ZNF347: variants seen among roughly 807,000 people sequenced by gnomAD.
ZNF347 encodes CTD-2620I22.7.
ZNF347 carries 19 observed loss-of-function variants against 12.9 expected under a neutral mutation model. That is an observed-to-expected ratio of 1.47 (90% confidence interval 1.03 to 2.16). The LOEUF is 2.16. ZNF347 is among the 30% of genes most tolerant of loss of function. The probability of loss-of-function intolerance (pLI) is 0.00; values close to 1 mark genes in which losing one functional copy is unlikely to be tolerated. For synonymous variants in ZNF347, 328 were observed against 340.6 expected (o/e 0.96, Z 0.41); for missense variants, 1,005 against 990.6 (o/e 1.01, Z -0.19).
intron 2 of ZNF347, among the ~76,000 whole-genome samples, chr19:53,150,071 G>T (rs2090487930): frequency 6.6e-6 from 1 of 152,188 alleles, no homozygotes; most frequent in Admixed American, 6.5e-5. Flanking sequence ...TGAGGAGGGG[G>T]TCATGGGAAT....
At chr19:53,156,718 T>C (rs7253256) in intron 1 of ZNF347, among the ~76,000 whole-genome samples, 2,152 of 152,256 alleles carry the variant, frequency 0.014, 51 homozygotes, top group African/African-American at 0.049. Flanking sequence ...GGGAGGGGGA[T>C]GTCAAGGGAA....
intron 2 of ZNF347, among the ~76,000 whole-genome samples, chr19:53,151,870 G>A (rs985862599): frequency 2.0e-5 from 3 of 151,684 alleles, no homozygotes; most frequent in Non-Finnish European, 2.9e-5. Context: ...CGAGGAGGGC[G>A]GATCACGAGG....
chr19:53,141,801 T>C lies in ZNF347; in HGVS notation c.1027A>G (p.Lys343Glu), dbSNP rs371139289. The part of the protein sequence containing the change: ...SQHQKIHTGE[K>E]PYKCNECGKV... ...CCACATTCGTTACATTTATAAGGTT[T>C]CTCTCCAGTGTGAATTTTCTGATGT... Residue 343 changes from lysine (K) to glutamate (E), a missense_variant, in exon 5 of 5, where the codon AAA becomes GAA. Lys to Glu is a moderately conservative substitution (Grantham distance 56). Transcript: ENST00000334197. 24 of 1,613,966 alleles carry C rather than the reference T, an allele frequency of 1.5e-5. No homozygotes were observed. In the African/African-American group the frequency reaches 2.8e-4, roughly 19 times the overall value.
chr19:53,155,883 G>A (rs762558608), intron 1 of ZNF347, among the ~76,000 whole-genome samples: 2 of 152,144 alleles, frequency 1.3e-5, no homozygotes, highest in Non-Finnish European at 2.9e-5. Context: ...TGACAGGTGG[G>A]TGGGCCACTT....
Position 53,137,571 on chromosome 19 carries a change from T to TA in ZNF347, c.*2736dup, listed in dbSNP as rs1168678684. ...GTTCAGCATCCTCATTTTCCATATCTAAACCAAACTGTAAATGGAGTTCAA... is the reference window on the plus strand; with the variant it reads ...GTTCAGCATCCTCATTTTCCATATCTAAAACCAAACTGTAAATGGAGTTCAA... On this transcript the variant is annotated 3_prime_UTR_variant, in exon 5 of 5. Transcript: ENST00000334197. 6.6e-6 allele frequency: 1 copy of TA among 152,134 alleles called. No homozygotes were observed. The highest frequency in any genetic ancestry group is 2.4e-5 in the African/African-American group (1 of 41,412). The allele number at this position is 152,134 out of a possible 1,614,324, so 9.4% of individuals were successfully genotyped here. A position where few individuals can be genotyped will look rare whatever the true frequency, so the allele number is the denominator to read the frequency against.
At position 53,142,551 on chromosome 19, in the gene ZNF347, A is replaced by G; in HGVS notation, c.277T>C (p.Ser93Pro). Reference protein sequence around the residue: ...EWIKAVITALSSEFVMKDLLH... With the variant: ...EWIKAVITALPSEFVMKDLLH... ...AAATCTTTCATTACAAATTCGGAAG[A>G]GAGAGCTACAAGATATAAAGATCCA... The change falls in exon 5 of 5, where the codon TCT becomes CCT. Residue 93 changes from serine to proline, a missense_variant. Transcript: ENST00000334197. 1 of 1,579,952 alleles carries G rather than the reference A, an allele frequency of 6.3e-7. No individual in the cohort carries two copies. Among genetic ancestry groups the G allele is most frequent in the Non-Finnish European group, 8.6e-7 (1 of 1,164,318 alleles).
At chr19:53,147,693 A>G (rs1025548829) in intron 4 of ZNF347, among the ~76,000 whole-genome samples, 8 of 152,194 alleles carry the variant, frequency 5.3e-5, no homozygotes, top group Admixed American at 2.6e-4. Context: ...TTACCCTGAT[A>G]CCAAAAAGCA....
intron 2 of ZNF347, among the ~76,000 whole-genome samples, chr19:53,152,531 C>T (rs570562441): frequency 1.9e-4 from 29 of 152,022 alleles, no homozygotes; most frequent in South Asian, 4.1e-4. Context: ...TGCTTGAATC[C>T]GGGAGGTAGA....
In ZNF347 at chr19:53,137,773, ATT is replaced by A. The variant is rs2090395104; in HGVS notation, c.*2533_*2534del. ...ATGTGAGCATAGCATTCTTAGTGTT[ATT>A]TTTGTTATTCTGCACTATTTATAAT... is the stretch of plus-strand genomic sequence containing the variant. On this transcript the variant is annotated 3_prime_UTR_variant, in exon 5 of 5. Transcript: ENST00000334197. 6.6e-6 allele frequency: 1 copy of A among 151,964 alleles called. No individual in the cohort carries two copies. The highest frequency in any genetic ancestry group is 2.4e-5 in the African/African-American group (1 of 41,374). 9.4% of individuals were successfully genotyped at this position (151,964 alleles called of 1,614,324 possible). A position where few individuals can be genotyped will look rare whatever the true frequency, so the allele number is the denominator to read the frequency against.
At position 53,142,076 on chromosome 19, in the gene ZNF347, C is replaced by T. The variant is rs754593293; in HGVS notation, c.752G>A (p.Gly251Glu). Residue 251 changes from glycine (G) to glutamate (E), a missense_variant, in exon 5 of 5, where the codon GGG (glycine) becomes GAG (glutamate). Physicochemically the swap from Gly to Glu is moderately conservative, Grantham distance 98 (BLOSUM62 -2). Transcript: ENST00000334197. ...GCTTCCCCAATTATTTGCTTTTTGC[C>T]CCTGTGTGAGTAATAAAGAAGAGAT... ...DFISSLLLTQ[G>E]QKANNWGSPY... 6 of 1,612,250 alleles carry T rather than the reference C, an allele frequency of 3.7e-6. No homozygotes were observed. The East Asian group carries it at 1.3e-4, about 36-fold the overall frequency.
Position 53,140,358 on chromosome 19 carries a change from T to A in ZNF347, c.2470A>T (p.Lys824Ter). 1 of 1,590,550 alleles carries A rather than the reference T, an allele frequency of 6.3e-7. No homozygotes were observed. Residue 824 changes from lysine to a stop codon, truncating the protein, a stop_gained, in exon 5 of 5, where the codon AAA becomes TAA. Coordinates refer to ENST00000334197, the MANE Select transcript of ZNF347 (RefSeq NM_032584.3). LOFTEE classifies it low-confidence loss of function (END_TRUNC). ...GGKPYKCNVW[K>*]VLKSEFKPCK... Reference sequence around the variant, plus strand: ...GGTTTGAACTCTGACTTTAGAACTTTCCACACGTTACATTTGTAAGGTTTC... The same window carrying A: ...GGTTTGAACTCTGACTTTAGAACTTACCACACGTTACATTTGTAAGGTTTC...
At chr19:53,145,011 T>C (rs2146803732) in intron 4 of ZNF347, among the ~76,000 whole-genome samples, 1 of 152,030 alleles carries the variant, frequency 6.6e-6, no homozygotes, top group Admixed American at 6.6e-5. Context: ...CAAACATGGC[T>C]GGGCGTGATG....
At position 53,139,728 on chromosome 19, in the gene ZNF347, C is replaced by A. The variant is rs1014233524; in HGVS notation, c.*580G>T. 2 of 152,626 alleles carry A rather than the reference C, an allele frequency of 1.3e-5. No individual in the cohort carries two copies. The highest frequency in any genetic ancestry group is 4.8e-5 in the African/African-American group (2 of 41,452). The allele number at this position is 152,626 out of a possible 1,614,324, so 9.5% of individuals were successfully genotyped here. On this transcript the variant is annotated 3_prime_UTR_variant, in exon 5 of 5. Transcript: ENST00000334197. ...GAGTAAGAGCTTCAGGATGCTCTTA[C>A]ACATTACATTTGTGTGGTTCCATCA... is the stretch of plus-strand genomic sequence containing the variant.
rs2090417355 is a variant in ZNF347, at chr19:53,140,740, A to T, written c.2088T>A (p.Leu696=). Residue 696 remains leucine, a synonymous_variant, in exon 5 of 5, where the codon CTT becomes CTA. Transcript: ENST00000334197. ...CAGTATGAACTCTCTGATGCCTTGC[A>T]AGCTTTGATGTTTGACTAAAGGCTT... ...CGKAFSQTSK[L]ARHQRVHTGE... is the part of the protein sequence containing the mutation. 1.9e-6 allele frequency: 3 copies of T among 1,612,634 alleles called. No individual in the cohort carries two copies. The highest frequency in any genetic ancestry group is 2.7e-5 in the African/African-American group (2 of 74,802).
rs367769066 is a variant in ZNF347, at chr19:53,141,506, C to T, written c.1322G>A (p.Arg441His). 4.0e-5 allele frequency: 64 copies of T among 1,611,194 alleles called. No individual in the cohort carries two copies. Among genetic ancestry groups the T allele is most frequent in the Middle Eastern group, 3.3e-4 (2 of 6,044 alleles). The change falls in exon 5 of 5, where the codon CGT becomes CAT. Residue 441 changes from arginine (R) to histidine (H), a missense_variant. Coordinates refer to ENST00000334197, the MANE Select transcript of ZNF347 (RefSeq NM_032584.3). ...TACCAGATGAATAGCTAGGCTTGAA[C>T]GAACACCAAAGGCTTTGCCGCACTC... ...CNECGKAFGV[R>H]SSLAIHLVIH...
intron 2 of ZNF347, among the ~76,000 whole-genome samples, chr19:53,151,772 T>C (rs1388861673): frequency 6.6e-6 from 1 of 152,098 alleles, no homozygotes; most frequent in East Asian, 1.9e-4. Context: ...ACAATTTGAA[T>C]TGCTAAAAAA....
chr19:53,140,073 T>C lies in ZNF347; in HGVS notation c.*235A>G, dbSNP rs1310849834. The C allele has an allele frequency of 2.2e-6, 1 of 445,750 alleles. No homozygotes were observed. Among genetic ancestry groups the C allele is most frequent in the Non-Finnish European group, 3.9e-6 (1 of 253,688 alleles). The allele number at this position is 445,750 out of a possible 1,614,324, so 27.6% of individuals were successfully genotyped here. ...ACGCCACCAGGCCTAGCTAATTGTG[T>C]ACTTTTAGTAGAAATGGGGTTTCGC... On this transcript the variant is annotated 3_prime_UTR_variant, in exon 5 of 5. Coordinates refer to ENST00000334197, the MANE Select transcript of ZNF347 (RefSeq NM_032584.3).
chr19:53,149,910 G>A (rs990704005), intron 2 of ZNF347, among the ~76,000 whole-genome samples: 1 of 151,976 alleles, frequency 6.6e-6, no homozygotes, highest in East Asian at 1.9e-4. Context: ...GCACCACCAC[G>A]CCATGCTCCT....
At position 53,137,759 on chromosome 19, in the gene ZNF347, G is replaced by A. The variant is rs937955702; in HGVS notation, c.*2549C>T. On this transcript the variant is annotated 3_prime_UTR_variant, in exon 5 of 5. Coordinates refer to ENST00000334197, the MANE Select transcript of ZNF347 (RefSeq NM_032584.3). ...AGTCTTGTCAAATTATGTGAGCATAGCATTCTTAGTGTTATTTTTGTTATT... is the reference window on the plus strand; with the variant it reads ...AGTCTTGTCAAATTATGTGAGCATAACATTCTTAGTGTTATTTTTGTTATT... 6.6e-6 allele frequency: 1 copy of A among 152,052 alleles called. No individual in the cohort carries two copies. The allele number at this position is 152,052 out of a possible 1,614,324, so 9.4% of individuals were successfully genotyped here. A position where few individuals can be genotyped will look rare whatever the true frequency, so the allele number is the denominator to read the frequency against.
Sources: allele counts gnomAD v4.1 joint callset (sites outside exome capture counted in the v4.1 genomes callset), GRCh38; gene constraint gnomAD v4.1.1; transcripts MANE v1.5; gene names NCBI Gene and HGNC (gene_info 2026-07-23, HGNC 2026-07-21).